The following NLGN4X variants were observed in gnomAD, a reference collection of about 807,000 sequenced individuals.
NLGN4X encodes the protein neuroligin-4, X-linked.
Under a neutral mutation model 40.3 loss-of-function variants are expected in NLGN4X, and 3 were observed. The ratio of observed to expected loss-of-function variants is 0.07; its 90% confidence interval spans 0.03 to 0.19. The LOEUF is 0.19. NLGN4X is among the 10% of genes least tolerant of loss of function. The pLI is 1.00. For synonymous variants in NLGN4X, 270 were observed against 306.8 expected (o/e 0.88, Z 1.25); for missense variants, 382 against 708.3 (o/e 0.54, Z 5.23).
Position 5,894,921 on chromosome X carries a change from G to C in NLGN4X, c.1602-1255C>G, listed in dbSNP as rs759311399. ...GGCAAGCAGGGAGTTGCAACATCCT[G>C]ATCAATGGCTCCAGGTGTGAGCTAA... is the stretch of plus-strand genomic sequence containing the variant. On this transcript the variant is annotated intron_variant, in intron 5 of 5. Transcript: ENST00000381095. 2.0e-4 allele frequency among the ~76,000 whole-genome samples: 22 copies of C among 112,475 alleles called. No individual in the cohort carries two copies. The East Asian group carries it at 3.7e-3, about 19-fold the overall frequency.
intron 2 of NLGN4X, among the ~76,000 whole-genome samples, chrX:6,085,390 A>G (rs2038471231): frequency 8.9e-6 from 1 of 111,902 alleles, no homozygotes; most frequent in Non-Finnish European, 1.9e-5. Context: ...GTAAGTCAGA[A>G]ACAGGCAAAA....
chrX:5,976,462 T>C (rs186918274), intron 3 of NLGN4X, among the ~76,000 whole-genome samples: 40 of 112,364 alleles, frequency 3.6e-4, no homozygotes, highest in African/African-American at 1.2e-3. Flanking sequence ...CAGTGACTAA[T>C]GAAACTTCTT....
chrX:5,932,935 C>A lies in NLGN4X; in HGVS notation c.626-23696G>T, dbSNP rs189448530. Among the ~76,000 whole-genome samples, 15 of 111,031 alleles carry A rather than the reference C, an allele frequency of 1.4e-4. No individual in the cohort carries two copies. The East Asian group carries it at 4.3e-3, about 31-fold the overall frequency. ...GATATATTACTAAGAAATTTAAGAA[C>A]ATCAAAGACAAACAGAAAATTCTAA... On this transcript the variant is annotated intron_variant, in intron 3 of 5. Transcript: ENST00000381095.
chrX:6,115,293 G>A (rs1235486217), intron 2 of NLGN4X, among the ~76,000 whole-genome samples: 2 of 111,730 alleles, frequency 1.8e-5, no homozygotes, highest in African/African-American at 6.5e-5. Flanking sequence ...GATCACGGTG[G>A]CACATATCAG....
chrX:5,930,483 A>G (rs1483756082), intron 3 of NLGN4X, among the ~76,000 whole-genome samples: 2 of 112,216 alleles, frequency 1.8e-5, no homozygotes, highest in Admixed American at 1.9e-4. Flanking sequence ...CCTTGGTGTC[A>G]TTCTTTTAAA....
At chrX:6,208,845 A>G (rs1260343016) in intron 1 of NLGN4X, among the ~76,000 whole-genome samples, 1 of 111,976 alleles carries the variant, frequency 8.9e-6, no homozygotes, top group African/African-American at 3.2e-5. Flanking sequence ...AACTAAAAAT[A>G]GAACTACCAT....
chrX:6,227,522 C>A (rs1347280225), intron 1 of NLGN4X, among the ~76,000 whole-genome samples: 1 of 110,080 alleles, frequency 9.1e-6, no homozygotes, highest in African/African-American at 3.3e-5. Flanking sequence ...CCCGCGCCCC[C>A]CTCAAAGGTT....
At chrX:6,010,702 T>C (rs1198741049) in intron 3 of NLGN4X, among the ~76,000 whole-genome samples, 1 of 109,129 alleles carries the variant, frequency 9.2e-6, no homozygotes, top group Non-Finnish European at 1.9e-5. Context: ...CTAATTTTTG[T>C]ATTCATAGTA....
At chrX:6,125,841 A>G (rs2039531244) in intron 2 of NLGN4X, among the ~76,000 whole-genome samples, 1 of 111,698 alleles carries the variant, frequency 9.0e-6, no homozygotes, top group Non-Finnish European at 1.9e-5. Flanking sequence ...TATAGAGTGT[A>G]TAACATCAGA....
At chrX:6,205,301 C>A (rs1435382364) in intron 1 of NLGN4X, among the ~76,000 whole-genome samples, 1 of 112,130 alleles carries the variant, frequency 8.9e-6, no homozygotes, top group Non-Finnish European at 1.9e-5. Context: ...TCCAGCAGAG[C>A]ACACACTCCA....
At chrX:5,929,098 A>T (rs757277659) in intron 3 of NLGN4X, among the ~76,000 whole-genome samples, 22 of 111,761 alleles carry the variant, frequency 2.0e-4, no homozygotes, top group Non-Finnish European at 4.1e-4. Context: ...TTTTGAAAAA[A>T]AAATCTACAT....
At chrX:5,948,095 T>C (rs1320011136) in intron 3 of NLGN4X, among the ~76,000 whole-genome samples, 1 of 111,120 alleles carries the variant, frequency 9.0e-6, no homozygotes, top group African/African-American at 3.3e-5. Flanking sequence ...TGGAAAGACA[T>C]AGTAACAGAA....
rs1488114392 is a variant in NLGN4X, at chrX:5,893,187, G to A, written c.2081C>T (p.Ala694Val). Residue 694 changes from alanine to valine, a missense_variant, in exon 6 of 6, where the codon GCG (alanine) becomes GTG (valine). Ala to Val is a moderately conservative substitution (Grantham distance 64, BLOSUM62 0). Coordinates refer to ENST00000381095, the MANE Select transcript of NLGN4X (RefSeq NM_181332.3). ...SLLFLNILAF[A>V]ALYYKKDKRR... ...CTTGTCCTTTTTGTAGTACAGCGCC[G>A]CAAAAGCTAAGATGTTGAGGAAGAG... The A allele has an allele frequency of 1.4e-5, 17 of 1,211,668 alleles. No individual in the cohort carries two copies. The highest frequency in any genetic ancestry group is 1.3e-5 in the Non-Finnish European group (12 of 895,456).
intron 1 of NLGN4X, among the ~76,000 whole-genome samples, chrX:6,177,650 A>G (rs1920986596): frequency 8.9e-6 from 1 of 111,893 alleles, no homozygotes; most frequent in South Asian, 3.8e-4. Flanking sequence ...AAGCTCTACA[A>G]AGTTTTGAAA....
chrX:5,971,961 T>C (rs1601974421), intron 3 of NLGN4X, among the ~76,000 whole-genome samples: 2 of 111,999 alleles, frequency 1.8e-5, no homozygotes, highest in Middle Eastern at 9.3e-3. Flanking sequence ...CCTCCAGACA[T>C]GGGCTTATCC....
At chrX:5,911,251 T>A (rs1357472002) in intron 3 of NLGN4X, among the ~76,000 whole-genome samples, 1 of 111,947 alleles carries the variant, frequency 8.9e-6, no homozygotes, top group Non-Finnish European at 1.9e-5. Context: ...CTCACTGTTC[T>A]CTCTTTCTCA....
chrX:6,109,750 A>T (rs1368904160), intron 2 of NLGN4X, among the ~76,000 whole-genome samples: 3 of 111,872 alleles, frequency 2.7e-5, no homozygotes, highest in Admixed American at 9.5e-5. Context: ...TGAGCGAAAA[A>T]ATAAAAACAA....
chrX:6,208,292 C>G (rs1368631106), intron 1 of NLGN4X, among the ~76,000 whole-genome samples: 1 of 112,332 alleles, frequency 8.9e-6, no homozygotes, highest in African/African-American at 3.2e-5. Context: ...TCGTTCTGCA[C>G]TTTGTTCTAT....
chrX:6,218,805 G>A (rs1382116695), intron 1 of NLGN4X, among the ~76,000 whole-genome samples: 3 of 111,294 alleles, frequency 2.7e-5, no homozygotes, highest in Admixed American at 9.6e-5. Context: ...GGTTAATTTG[G>A]TTAAAACTCA....
Sources: gnomAD v4.1 joint callset for allele counts (sites outside exome capture counted in the v4.1 genomes callset) on GRCh38, gnomAD v4.1.1 for gene constraint, MANE v1.5 for transcripts, NCBI Gene and HGNC (gene_info 2026-07-23, HGNC 2026-07-21) for gene names.